PRKN: variants seen among roughly 807,000 people sequenced by gnomAD.
PRKN encodes the protein parkin RBR E3 ubiquitin protein ligase.
Under a neutral mutation model 59.5 loss-of-function variants are expected in PRKN, and 56 were observed. The observed-to-expected ratio is 0.94, with a 90% confidence interval of 0.76 to 1.18. PRKN has a LOEUF of 1.18. Among genes scored for constraint, PRKN ranks in the 50% most tolerant of loss-of-function variants. The probability of loss-of-function intolerance (pLI) is 0.00; values close to 1 mark genes in which losing one functional copy is unlikely to be tolerated. For missense variants in PRKN, 657 were observed against 596.4 expected (o/e 1.10, Z -1.06); for synonymous variants, 250 against 222.1 (o/e 1.13, Z -1.12).
chr6:161,727,641 G>A (rs1787498499), intron 7 of PRKN, among the ~76,000 whole-genome samples: 2 of 152,144 alleles, frequency 1.3e-5, no homozygotes, highest in Admixed American at 6.5e-5. Context: ...ACTTCACAGG[G>A]AGGGACAGTC....
At position 161,533,398 on chromosome 6, in the gene PRKN, T is replaced by C. The variant is rs1304779844; in HGVS notation, c.1083+15456A>G. On this transcript the variant is annotated intron_variant, in intron 9 of 11. Coordinates refer to ENST00000366898, the MANE Select transcript of PRKN (RefSeq NM_004562.3). The surrounding 1 kb of genome is among the most constrained non-coding windows in gnomAD (Gnocchi z 4.1). ...ATCGACCTGCAGACACAAACAAGCA[T>C]GCTGGAAGCTTGCACAGGTACATGC... 6.6e-6 allele frequency among the ~76,000 whole-genome samples: 1 copy of C among 152,130 alleles called. No homozygotes were observed. Among genetic ancestry groups the C allele is most frequent in the Admixed American group, 6.5e-5 (1 of 15,268 alleles).
At chr6:162,322,584 G>A (rs146068487) in intron 2 of PRKN, among the ~76,000 whole-genome samples, 1 of 152,022 alleles carries the variant, frequency 6.6e-6, no homozygotes, top group East Asian at 1.9e-4. Flanking sequence ...TTGACATCAA[G>A]ATAAATAAAT....
At chr6:162,570,867 T>C (rs1454647088) in intron 1 of PRKN, among the ~76,000 whole-genome samples, 1 of 152,168 alleles carries the variant, frequency 6.6e-6, no homozygotes, top group Non-Finnish European at 1.5e-5. Flanking sequence ...ACCTACTATT[T>C]GATAGCATAA....
At chr6:162,183,422 C>A (rs2128323743) in intron 4 of PRKN, among the ~76,000 whole-genome samples, 1 of 152,238 alleles carries the variant, frequency 6.6e-6, no homozygotes, top group Middle Eastern at 3.4e-3. Flanking sequence ...TGCTGACCCA[C>A]TCTGAGGATA....
intron 7 of PRKN, among the ~76,000 whole-genome samples, chr6:161,705,940 C>T (rs1039572173): frequency 1.3e-5 from 2 of 152,042 alleles, no homozygotes; most frequent in Admixed American, 6.6e-5. Context: ...AATGGCTCTT[C>T]ACTGACCACC....
At chr6:162,090,141 TGTGTGTGTGTGTGTGTCTGTGTACAG>T (rs1480946139) in intron 4 of PRKN, among the ~76,000 whole-genome samples, 1 of 149,046 alleles carries the variant, frequency 6.7e-6, no homozygotes, top group Non-Finnish European at 1.5e-5. Flanking sequence ...ACGCAGTATT[TGTGTGTGTGTGTGTGTCTGTGTACAG>T]GTGTGTGTGT....
At chr6:161,703,609 GC>G (rs1348580380) in intron 7 of PRKN, among the ~76,000 whole-genome samples, 1 of 152,054 alleles carries the variant, frequency 6.6e-6, no homozygotes, top group Admixed American at 6.6e-5. Flanking sequence ...CCTCTGCCAG[GC>G]TTAGCTCTCA....
intron 2 of PRKN, among the ~76,000 whole-genome samples, chr6:162,278,208 ATGT>A (rs1780718960): frequency 6.6e-6 from 1 of 152,202 alleles, no homozygotes; most frequent in Non-Finnish European, 1.5e-5. Flanking sequence ...AAAAGGCCAC[ATGT>A]TGTATTATAC....
At chr6:161,517,739 C>CAAAAAAAAAAAAAA (rs3032892) in intron 9 of PRKN, among the ~76,000 whole-genome samples, 1 of 48,382 alleles carries the variant, frequency 2.1e-5, no homozygotes, top group Non-Finnish European at 3.4e-5. Context: ...GACTCTATCT[C>CAAAAAAAAAAAAAA]AAAAAAAAAA....
intron 1 of PRKN, among the ~76,000 whole-genome samples, chr6:162,638,199 A>G (rs879524109): frequency 0.23 from 35,050 of 151,942 alleles, 4,804 homozygotes; most frequent in African/African-American, 0.37. Flanking sequence ...AGACAATAAT[A>G]TTATCCCTAT....
chr6:162,501,451 A>G (rs6455837), intron 1 of PRKN, among the ~76,000 whole-genome samples: 75,794 of 149,412 alleles, frequency 0.51, 19,264 homozygotes, highest in Middle Eastern at 0.58. Context: ...TGGTTCAAGC[A>G]ATTCTAGTGC....
chr6:162,249,689 A>C (rs1305578516), intron 3 of PRKN, among the ~76,000 whole-genome samples: 1 of 152,204 alleles, frequency 6.6e-6, no homozygotes, highest in Non-Finnish European at 1.5e-5. Context: ...AGAATTAATT[A>C]TCTGGGTCAA....
intron 9 of PRKN, among the ~76,000 whole-genome samples, chr6:161,449,626 A>G (rs1451650616): frequency 6.6e-6 from 1 of 152,102 alleles, no homozygotes; most frequent in Non-Finnish European, 1.5e-5. Context: ...GCCAAGAAAA[A>G]CTGTTTGGTA....
At chr6:161,380,959 C>T (rs1174305825) in intron 10 of PRKN, among the ~76,000 whole-genome samples, 1 of 152,166 alleles carries the variant, frequency 6.6e-6, no homozygotes, top group African/African-American at 2.4e-5. Context: ...TCCAGTTTGC[C>T]ACAGACCACC....
At chr6:162,612,122 G>C (rs1241859984) in intron 1 of PRKN, among the ~76,000 whole-genome samples, 1 of 149,594 alleles carries the variant, frequency 6.7e-6, no homozygotes, top group African/African-American at 2.5e-5. Flanking sequence ...GAACCCGGGA[G>C]GCGGAGCTTG....
At chr6:162,115,019 C>T (rs1181500040) in intron 4 of PRKN, among the ~76,000 whole-genome samples, 1 of 151,812 alleles carries the variant, frequency 6.6e-6, no homozygotes, top group Non-Finnish European at 1.5e-5. Flanking sequence ...GACTATAAAT[C>T]ATGCTGCTAT....
chr6:162,670,132 A>G (rs1202362842), intron 1 of PRKN, among the ~76,000 whole-genome samples: 2 of 152,214 alleles, frequency 1.3e-5, no homozygotes, highest in Non-Finnish European at 2.9e-5. Context: ...CATGTATGCA[A>G]GTACACACTC....
intron 2 of PRKN, among the ~76,000 whole-genome samples, chr6:162,307,738 A>G (rs985940774): frequency 1.3e-5 from 2 of 152,334 alleles, no homozygotes; most frequent in East Asian, 3.9e-4. Context: ...CAAACATTGA[A>G]TAATTTTCAT....
Position 162,120,294 on chromosome 6 carries a change from G to T in PRKN, c.535-66120C>A, listed in dbSNP as rs377470482. Among the ~76,000 whole-genome samples, 3 of 152,214 alleles carry T rather than the reference G, an allele frequency of 2.0e-5. No homozygotes were observed. The South Asian group carries it at 6.2e-4, about 31-fold the overall frequency. ...ATTGGGATTATAGGCGTGAGCCACTGTGCTTGGCCCATTTATTTTTTATAA... is the reference window on the plus strand; with the variant it reads ...ATTGGGATTATAGGCGTGAGCCACTTTGCTTGGCCCATTTATTTTTTATAA... On this transcript the variant is annotated intron_variant, in intron 4 of 11. Transcript: ENST00000366898.
Sources: allele counts gnomAD v4.1 joint callset (sites outside exome capture counted in the v4.1 genomes callset), GRCh38; gene constraint gnomAD v4.1.1; non-coding constraint Gnocchi (gnomAD v3.1); transcripts MANE v1.5; gene names NCBI Gene and HGNC (gene_info 2026-07-23, HGNC 2026-07-21).